Variants in MAP4K5 observed in about 807,000 individuals in gnomAD.
MAP4K5 encodes the protein mitogen-activated protein kinase kinase kinase kinase 5.
Under a neutral mutation model 135.6 loss-of-function variants are expected in MAP4K5, and 82 were observed. The observed-to-expected ratio is 0.60, with a 90% CI of 0.51 to 0.73. MAP4K5 has a LOEUF of 0.73. MAP4K5 is among the 30% of genes least tolerant of loss of function. The pLI, the probability that MAP4K5 is intolerant of heterozygous loss-of-function variation, is 0.00. For missense variants in MAP4K5, 907 were observed against 1,010.9 expected, an observed-to-expected ratio of 0.90 and a Z score of 1.39; for synonymous variants, 347 against 335.0, an observed-to-expected ratio of 1.04 and a Z score of -0.39.
chr14:50,553,770 C>T (rs1230363240), intron 1 of MAP4K5, among the ~76,000 whole-genome samples: 1 of 152,114 alleles, frequency 6.6e-6, no homozygotes, highest in Non-Finnish European at 1.5e-5. Flanking sequence ...ATTACTCAGC[C>T]ATAAAACAGA....
intron 11 of MAP4K5, among the ~76,000 whole-genome samples, chr14:50,466,203 C>T (rs1295686387): frequency 6.6e-6 from 1 of 151,704 alleles, no homozygotes; most frequent in Non-Finnish European, 1.5e-5. Context: ...ATAGTGAGAC[C>T]CTGTCTCTAT....
chr14:50,434,995 C>G lies in MAP4K5; in HGVS notation c.1953G>C (p.Trp651Cys). ...ALQSGIVLLQ[W>C]YEPMQKFMLI... ...ACATGAATTTCTGCATTGGCTCATA[C>G]CACTGAAGTAAAACAATTCCAGACT... is the stretch of plus-strand genomic sequence containing the variant. Residue 651 changes from tryptophan (W) to cysteine (C), a missense_variant, in exon 27 of 33, where the codon TGG (tryptophan) becomes TGC (cysteine). Trp to Cys is a radical substitution (Grantham distance 215). Around this residue, in one of 3 missense-constraint regions of MAP4K5, gnomAD observed 690 missense variants for 777.4 expected, o/e 0.89. Transcript: ENST00000682126. The G allele has an allele frequency of 6.2e-7, 1 of 1,610,592 alleles. No homozygotes were observed. The highest frequency in any genetic ancestry group is 8.5e-7 in the Non-Finnish European group (1 of 1,177,706).
At chr14:50,513,571 T>C (rs2037972470) in intron 2 of MAP4K5, among the ~76,000 whole-genome samples, 1 of 75,120 alleles carries the variant, frequency 1.3e-5, no homozygotes, top group Admixed American at 1.8e-4. Context: ...AAAGATAATT[T>C]TTTATAAACT....
At chr14:50,437,816 C>T in intron 25 of MAP4K5, 78 bp downstream of exon 25, 1 of 953,750 alleles carries the variant, frequency 1.0e-6, no homozygotes. Context: ...TAGTTTTTTA[C>T]TGGGCAAGAA....
chr14:50,499,452 G>C (rs1203887630), intron 3 of MAP4K5, among the ~76,000 whole-genome samples: 1 of 152,152 alleles, frequency 6.6e-6, no homozygotes, highest in Non-Finnish European at 1.5e-5. Context: ...GAGGCCAGGA[G>C]TCCAAGACCA....
chr14:50,544,692 G>C (rs145622495), intron 1 of MAP4K5, among the ~76,000 whole-genome samples: 1 of 152,040 alleles, frequency 6.6e-6, no homozygotes, highest in Non-Finnish European at 1.5e-5. Context: ...TCAGAGCTTT[G>C]GGAGGCTGAG....
intron 2 of MAP4K5, among the ~76,000 whole-genome samples, chr14:50,521,923 C>A (rs766670696): frequency 5.3e-5 from 8 of 152,118 alleles, no homozygotes; most frequent in Admixed American, 6.5e-5. Flanking sequence ...TAGTCCAATA[C>A]CACCAAGTGA....
chr14:50,434,583 AT>A lies in MAP4K5; in HGVS notation c.1987-13del. On this transcript the variant is annotated splice_polypyrimidine_tract_variant and intron_variant, in intron 27 of 32. Coordinates refer to ENST00000682126, the MANE Select transcript of MAP4K5 (RefSeq NM_006575.6). ...GGAAAATCAAAGTGCTGCAAAAAAA[AT>A]AAACAATAGAGCCATAATTCAGAAA... 3.8e-6 allele frequency: 6 copies of A among 1,565,860 alleles called. No individual in the cohort carries two copies. The highest frequency in any genetic ancestry group is 1.2e-5 in the South Asian group (1 of 85,000).
chr14:50,527,946 G>T (rs998279407), intron 2 of MAP4K5, among the ~76,000 whole-genome samples: 9 of 152,234 alleles, frequency 5.9e-5, no homozygotes, highest in Admixed American at 4.6e-4. Flanking sequence ...TGCCCAAATG[G>T]CTTGTACTAC....
chr14:50,532,811 A>G (rs117038999), upstream of MAP4K5: 1,169 of 152,594 alleles, frequency 7.7e-3, 13 homozygotes, highest in Middle Eastern at 0.014. Context: ...CTCAGAAATA[A>G]GGCACACGCC....
At chr14:50,490,159 G>GTGTGTGTGTGTGTATA (rs71441284) in intron 3 of MAP4K5, among the ~76,000 whole-genome samples, 6 of 137,922 alleles carry the variant, frequency 4.4e-5, no homozygotes, top group African/African-American at 8.0e-5. Context: ...GTGTGTGTGT[G>GTGTGTGTGTGTGTATA]TAAGGGAACT....
chr14:50,428,769 AC>A lies in MAP4K5; in HGVS notation c.2234-16del, dbSNP rs2035905208. The A allele has an allele frequency of 8.2e-7, 1 of 1,213,160 alleles. No homozygotes were observed. Among genetic ancestry groups the A allele is most frequent in the Non-Finnish European group, 1.1e-6 (1 of 870,470 alleles). The allele number at this position is 1,213,160 out of a possible 1,614,324, so 75.1% of individuals were successfully genotyped here. A position where few individuals can be genotyped will look rare whatever the true frequency, so the allele number is the denominator to read the frequency against. On this transcript the variant is annotated splice_polypyrimidine_tract_variant and intron_variant, in intron 29 of 32. Transcript: ENST00000682126. ...TTTCACAAATTCTTAAAAAAAAAAAACAAGTCAAGACTGGACATGCAAATCT... is the reference window on the plus strand; with the variant it reads ...TTTCACAAATTCTTAAAAAAAAAAAAAAGTCAAGACTGGACATGCAAATCT...
intron 3 of MAP4K5, among the ~76,000 whole-genome samples, chr14:50,493,561 G>T (rs1015382556): frequency 6.6e-6 from 1 of 151,638 alleles, no homozygotes. Context: ...AAATCCTAAA[G>T]TCCATTAAAA....
intron 17 of MAP4K5, 68 bp downstream of exon 17, chr14:50,446,011 A>T: frequency 1.8e-6 from 2 of 1,085,330 alleles, no homozygotes; most frequent in Non-Finnish European, 2.5e-6. Flanking sequence ...AAAACTCAAA[A>T]TTATTTTAAA....
At chr14:50,487,058 C>T (rs1434744588) in intron 3 of MAP4K5, among the ~76,000 whole-genome samples, 1 of 152,168 alleles carries the variant, frequency 6.6e-6, no homozygotes, top group East Asian at 1.9e-4. Flanking sequence ...CAGTTCAAAA[C>T]CAAAACAGAG....
chr14:50,531,127 G>A (rs2038377004), intron 2 of MAP4K5, among the ~76,000 whole-genome samples: 1 of 152,204 alleles, frequency 6.6e-6, no homozygotes, highest in Admixed American at 6.5e-5. Context: ...AAAAGCATAA[G>A]GCAATCTCAA....
intron 13 of MAP4K5, 54 bp downstream of exon 13, chr14:50,462,611 T>A (rs1301921224): frequency 1.6e-6 from 2 of 1,254,664 alleles, no homozygotes; most frequent in Non-Finnish European, 2.3e-6. Context: ...AAGCAAACTT[T>A]AAGGCCTTAT....
chr14:50,461,253 T>G (rs894151664), intron 13 of MAP4K5, among the ~76,000 whole-genome samples: 5 of 151,990 alleles, frequency 3.3e-5, no homozygotes, highest in African/African-American at 1.2e-4. Context: ...GGTCTTGAAC[T>G]CCTGAACTCA....
intron 1 of MAP4K5, among the ~76,000 whole-genome samples, chr14:50,548,874 T>C (rs978613520): frequency 1.2e-4 from 18 of 152,016 alleles, no homozygotes; most frequent in African/African-American, 3.9e-4. Context: ...CTATTAGCCA[T>C]GTATAGGGCA....
Sources: gnomAD v4.1 joint callset for allele counts (sites outside exome capture counted in the v4.1 genomes callset) on GRCh38, gnomAD v4.1.1 for gene constraint, gnomAD v4.1.1 regional missense constraint, MANE v1.5 for transcripts, NCBI Gene and HGNC (gene_info 2026-07-23, HGNC 2026-07-21) for gene names.